ZNF407: variants seen among roughly 807,000 people sequenced by gnomAD.
The protein encoded by ZNF407 is zinc finger protein 407.
A neutral mutation model predicts 131.2 loss-of-function variants in ZNF407; 17 were observed. The ratio of observed to expected loss-of-function variants is 0.13; its 90% CI spans 0.09 to 0.19. ZNF407 has a LOEUF of 0.19. ZNF407 is among the 10% of genes least tolerant of loss of function. ZNF407 has a pLI of 1.00. For synonymous variants in ZNF407, 1,156 were observed against 1,062.0 expected (o/e 1.09, Z -1.72); for missense variants, 2,681 against 2,830.6 (o/e 0.95, Z 1.20).
At chr18:74,672,458 C>CACTGTTTGTTCATTGGAGG in intron 3 of ZNF407, among the ~76,000 whole-genome samples, 1 of 151,118 alleles carries the variant, frequency 6.6e-6, no homozygotes, top group Non-Finnish European at 1.5e-5. Flanking sequence ...TTCATTGGAG[C>CACTGTTTGTTCATTGGAGG]ACTGTTTGTT....
chr18:74,973,045 G>A (rs1972489906), intron 8 of ZNF407, among the ~76,000 whole-genome samples: 1 of 151,918 alleles, frequency 6.6e-6, no homozygotes, highest in Non-Finnish European at 1.5e-5. Context: ...CCTGCTTGCG[G>A]TTTACTTGAA....
At chr18:74,812,435 A>T (rs1970210135) in intron 4 of ZNF407, among the ~76,000 whole-genome samples, 1 of 152,068 alleles carries the variant, frequency 6.6e-6, no homozygotes, top group Non-Finnish European at 1.5e-5. Context: ...TTCCCATATT[A>T]TTGTTTATTT....
chr18:74,702,097 A>G (rs1446216992), intron 3 of ZNF407, among the ~76,000 whole-genome samples: 1 of 152,174 alleles, frequency 6.6e-6, no homozygotes, highest in Non-Finnish European at 1.5e-5. Flanking sequence ...CTAATGAGGT[A>G]TTAGATCAGA....
intron 8 of ZNF407, among the ~76,000 whole-genome samples, chr18:75,005,284 T>A (rs1972895259): frequency 1.3e-5 from 2 of 152,168 alleles, no homozygotes; most frequent in African/African-American, 2.4e-5. Context: ...TGAATTTTCA[T>A]TTTTTATTAT....
At chr18:74,764,038 G>A (rs1969172286) in intron 3 of ZNF407, among the ~76,000 whole-genome samples, 1 of 151,820 alleles carries the variant, frequency 6.6e-6, no homozygotes, top group African/African-American at 2.4e-5. Context: ...TATATAACAT[G>A]TCTTTTTTCT....
intron 8 of ZNF407, among the ~76,000 whole-genome samples, chr18:74,931,786 G>C (rs1307830310): frequency 1.3e-5 from 2 of 152,162 alleles, no homozygotes; most frequent in Admixed American, 1.3e-4. Flanking sequence ...GTATTTAACT[G>C]ATCACTAATG....
intron 4 of ZNF407, among the ~76,000 whole-genome samples, chr18:74,831,859 T>G (rs990295040): frequency 6.6e-6 from 1 of 152,172 alleles, no homozygotes; most frequent in Non-Finnish European, 1.5e-5. Flanking sequence ...CTCCCTGTGC[T>G]CCTGACGCCC....
intron 8 of ZNF407, among the ~76,000 whole-genome samples, chr18:74,982,419 A>G (rs1365593623): frequency 1.3e-5 from 2 of 152,188 alleles, no homozygotes; most frequent in Non-Finnish European, 2.9e-5. Flanking sequence ...AAAATCCAAT[A>G]ATTATTATTG....
intron 3 of ZNF407, among the ~76,000 whole-genome samples, chr18:74,752,491 G>A (rs1968830119): frequency 6.6e-6 from 1 of 152,032 alleles, no homozygotes; most frequent in African/African-American, 2.4e-5. Flanking sequence ...TTTCTTCTAG[G>A]GTTTTTATGG....
chr18:74,858,649 C>T (rs1159562265), intron 4 of ZNF407, among the ~76,000 whole-genome samples: 1 of 152,174 alleles, frequency 6.6e-6, no homozygotes, highest in Non-Finnish European at 1.5e-5. Flanking sequence ...GACCTTTCTG[C>T]CCTGTTCAGT....
intron 4 of ZNF407, among the ~76,000 whole-genome samples, chr18:74,835,395 G>C (rs1970541236): frequency 6.6e-6 from 1 of 152,198 alleles, no homozygotes; most frequent in South Asian, 2.1e-4. Context: ...CACAAGGTGT[G>C]AAGTTGTGAA....
intron 1 of ZNF407, among the ~76,000 whole-genome samples, chr18:74,619,654 G>A (rs987278930): frequency 1.2e-3 from 189 of 152,208 alleles, no homozygotes; most frequent in African/African-American, 4.3e-3. Flanking sequence ...TGAATAGACC[G>A]TTTAAACTAA....
At chr18:75,027,608 G>A (rs1973186814) in intron 8 of ZNF407, among the ~76,000 whole-genome samples, 1 of 152,178 alleles carries the variant, frequency 6.6e-6, no homozygotes, top group African/African-American at 2.4e-5. Context: ...TTTCCATCTT[G>A]AGCTATGTGC....
intron 4 of ZNF407, 124 bp from the exon 5 acceptor site, chr18:74,877,073 C>A: frequency 1.3e-6 from 1 of 767,310 alleles, no homozygotes; most frequent in Non-Finnish European, 2.2e-6. Flanking sequence ...ACAGACCAGG[C>A]CTGCAGTGCT....
At chr18:74,690,349 A>G (rs1967190779) in intron 3 of ZNF407, among the ~76,000 whole-genome samples, 1 of 152,196 alleles carries the variant, frequency 6.6e-6, no homozygotes, top group African/African-American at 2.4e-5. Flanking sequence ...AAGGGAAATA[A>G]TACTAACACA....
chr18:74,916,301 T>G, intron 7 of ZNF407, among the ~76,000 whole-genome samples: 1 of 80,240 alleles, frequency 1.2e-5, no homozygotes, highest in African/African-American at 6.4e-5. Context: ...ATGTGTGTGC[T>G]GGTATGGTGA....
At chr18:74,825,406 C>T (rs1599178966) in intron 4 of ZNF407, among the ~76,000 whole-genome samples, 1 of 152,194 alleles carries the variant, frequency 6.6e-6, no homozygotes, top group Non-Finnish European at 1.5e-5. Flanking sequence ...CAAATTTTCT[C>T]TGTTTGCAGA....
At chr18:74,636,380 C>G (rs1406339169) in intron 2 of ZNF407, among the ~76,000 whole-genome samples, 1 of 152,038 alleles carries the variant, frequency 6.6e-6, no homozygotes, top group East Asian at 1.9e-4. Context: ...AGCTACTGTT[C>G]TAAATTTATG....
At chr18:74,825,724 A>G (rs1004128689) in intron 4 of ZNF407, among the ~76,000 whole-genome samples, 1 of 152,150 alleles carries the variant, frequency 6.6e-6, no homozygotes, top group Non-Finnish European at 1.5e-5. Flanking sequence ...TTTAAATGAG[A>G]GGCTTATGAT....
Sources: allele counts gnomAD v4.1 joint callset (sites outside exome capture counted in the v4.1 genomes callset), GRCh38; gene constraint gnomAD v4.1.1; transcripts MANE v1.5; gene names NCBI Gene and HGNC (gene_info 2026-07-23, HGNC 2026-07-21).